Variants in NBEA observed in about 807,000 individuals in gnomAD.
NBEA encodes neurobeachin, also known as lysosomal-trafficking regulator 2.
A neutral mutation model predicts 343.4 loss-of-function variants in NBEA; 44 were observed. That is an observed-to-expected ratio of 0.13 (90% confidence interval 0.10 to 0.16). The LOEUF (loss-of-function observed/expected upper bound fraction) is 0.16, where lower values mean the gene tolerates loss of function less well. Ranked by LOEUF, NBEA falls within the 10% of genes least tolerant of loss-of-function variation. NBEA has a pLI of 1.00. For synonymous variants in NBEA, 1,175 were observed against 1,238.7 expected, an observed-to-expected ratio of 0.95 and a Z score of 1.08; for missense variants, 2,555 against 3,631.3, an observed-to-expected ratio of 0.70 and a Z score of 7.62.
rs545680862 is a variant in NBEA at position 35,251,994 on chromosome 13, C to A, written c.5776+19375C>A. Among the ~76,000 whole-genome samples the A allele has an allele frequency of 8.6e-5, 13 of 151,994 alleles. No homozygotes were observed. The East Asian group carries it at 1.5e-3, about 18-fold the overall frequency. ...TAAAATCACTCCAGATCTCTAAATA[C>A]TCTATCAAATGAAGCACTTTCATTT... On this transcript the variant is annotated intron_variant, in intron 34 of 58. Transcript: ENST00000379939.
At chr13:35,174,833 G>A (rs1405146057) in intron 27 of NBEA, among the ~76,000 whole-genome samples, 1 of 149,414 alleles carries the variant, frequency 6.7e-6, no homozygotes, top group Non-Finnish European at 1.5e-5. Flanking sequence ...TCACTCTGTT[G>A]CCAGGGTGGA....
Position 35,655,692 on chromosome 13 carries a change from C to T in NBEA, c.8305C>T (p.Leu2769=). Residue 2769 remains leucine, a synonymous_variant, in exon 55 of 59, where the codon CTG becomes TTG. Coordinates refer to ENST00000379939, the MANE Select transcript of NBEA (RefSeq NM_001385012.1). ...YIVSGSRDAT[L]LLWYWSGRHH... is the part of the protein sequence containing the mutation. ...CGTGTCCGGATCTCGAGATGCCACC[C>T]TGCTGCTCTGGTACTGGAGTGGGCG... 6.2e-7 allele frequency: 1 copy of T among 1,613,974 alleles called. No individual in the cohort carries two copies. The highest frequency in any genetic ancestry group is 8.5e-7 in the Non-Finnish European group (1 of 1,179,884).
At chr13:35,385,775 G>A (rs949855231) in intron 38 of NBEA, among the ~76,000 whole-genome samples, 4 of 152,122 alleles carry the variant, frequency 2.6e-5, no homozygotes, top group Non-Finnish European at 4.4e-5. Flanking sequence ...TGTGCCTAAT[G>A]CAATAAAATC....
At chr13:35,635,546 T>C (rs1192578134) in intron 49 of NBEA, among the ~76,000 whole-genome samples, 1 of 152,174 alleles carries the variant, frequency 6.6e-6, no homozygotes, top group African/African-American at 2.4e-5. Context: ...ACATTTTAAT[T>C]AGTGGAGTGA....
At chr13:35,283,636 T>C (rs1033357538) in intron 34 of NBEA, among the ~76,000 whole-genome samples, 1 of 152,184 alleles carries the variant, frequency 6.6e-6, no homozygotes, top group Non-Finnish European at 1.5e-5. Context: ...TAAGTGCATA[T>C]ATTTCATAGC....
At chr13:35,469,638 G>A (rs1166407417) in intron 40 of NBEA, among the ~76,000 whole-genome samples, 1 of 152,088 alleles carries the variant, frequency 6.6e-6, no homozygotes, top group Non-Finnish European at 1.5e-5. Flanking sequence ...GTGTGCCGAG[G>A]ACATTATAAT....
intron 36 of NBEA, among the ~76,000 whole-genome samples, chr13:35,327,912 A>T (rs954671897): frequency 1.4e-5 from 2 of 144,964 alleles, no homozygotes; most frequent in African/African-American, 2.5e-5. Context: ...CCTGATATAT[A>T]AAAAAAAAAC....
At chr13:35,621,994 A>T (rs75142729) in intron 48 of NBEA, among the ~76,000 whole-genome samples, 1 of 152,212 alleles carries the variant, frequency 6.6e-6, no homozygotes, top group Admixed American at 6.5e-5. Flanking sequence ...GTAAATTTGC[A>T]TGTGTTATCT....
At chr13:35,472,907 T>C (rs1189997692) in intron 41 of NBEA, among the ~76,000 whole-genome samples, 2 of 152,128 alleles carry the variant, frequency 1.3e-5, no homozygotes, top group African/African-American at 4.8e-5. Context: ...TTCAAAACTT[T>C]ATATTGTAAT....
intron 35 of NBEA, 35 bp downstream of exon 35, chr13:35,290,485 A>G (rs1274842077): frequency 2.7e-6 from 4 of 1,499,326 alleles, no homozygotes; most frequent in African/African-American, 1.4e-5. Flanking sequence ...ACATTAATAT[A>G]TGAGGGTTTT....
At position 35,309,713 on chromosome 13, in the gene NBEA, A is replaced by G. The variant is rs2152832717; in HGVS notation, c.5903+121A>G. On this transcript the variant is annotated intron_variant, in intron 36 of 58. Transcript: ENST00000379939. ...AAAATGTCTTTTAGTTAAATAATTT[A>G]TCACACAGGTACTTAATTAATCTTT... The G allele has an allele frequency of 3.5e-6, 2 of 575,710 alleles. 1 individual carries two copies. Among genetic ancestry groups the G allele is most frequent in the East Asian group, 6.5e-5 (2 of 30,888 alleles). The allele number at this position is 575,710 out of a possible 1,614,324, so 35.7% of individuals were successfully genotyped here.
At chr13:34,992,091 G>A (rs1172014153) in intron 1 of NBEA, among the ~76,000 whole-genome samples, 2 of 148,868 alleles carry the variant, frequency 1.3e-5, no homozygotes, top group Non-Finnish European at 3.0e-5. Flanking sequence ...TGATTTACAG[G>A]TATTTGGCTG....
chr13:35,491,901 C>A (rs899428480), intron 41 of NBEA, among the ~76,000 whole-genome samples: 2 of 151,964 alleles, frequency 1.3e-5, no homozygotes, highest in Non-Finnish European at 2.9e-5. Flanking sequence ...TAGTGGACAA[C>A]AGTTCAGCTA....
intron 11 of NBEA, among the ~76,000 whole-genome samples, chr13:35,108,555 T>A (rs2066032367): frequency 1.3e-5 from 2 of 152,076 alleles, no homozygotes; most frequent in Admixed American, 6.6e-5. Flanking sequence ...TAAGAAAATA[T>A]GATTTTTAAA....
chr13:35,083,243 T>C (rs1432801133), intron 10 of NBEA, among the ~76,000 whole-genome samples: 1 of 152,216 alleles, frequency 6.6e-6, no homozygotes, highest in Admixed American at 6.5e-5. Context: ...TGTGGCCTTA[T>C]TTCTGAGGAC....
intron 13 of NBEA, among the ~76,000 whole-genome samples, chr13:35,116,938 T>C (rs1364988068): frequency 6.6e-6 from 1 of 152,004 alleles, no homozygotes; most frequent in African/African-American, 2.4e-5. Flanking sequence ...ACAAGTGACA[T>C]AGAAGAAATA....
intron 8 of NBEA, among the ~76,000 whole-genome samples, chr13:35,060,852 G>T (rs1338346083): frequency 2.6e-5 from 4 of 151,562 alleles, no homozygotes; most frequent in Non-Finnish European, 5.9e-5. Flanking sequence ...GTGAGTGAAG[G>T]GGTAGAGGGC....
At chr13:35,473,028 T>C (rs890783593) in intron 41 of NBEA, among the ~76,000 whole-genome samples, 1 of 152,218 alleles carries the variant, frequency 6.6e-6, no homozygotes, top group Admixed American at 6.5e-5. Flanking sequence ...GGGTTTTATA[T>C]GTGGATTTAA....
intron 55 of NBEA, among the ~76,000 whole-genome samples, chr13:35,661,468 A>G (rs755108570): frequency 2.2e-4 from 33 of 152,200 alleles, no homozygotes; most frequent in East Asian, 3.9e-4. Context: ...TGAATACTCT[A>G]TGAGTACATA....
Sources: gnomAD v4.1 joint callset for allele counts (sites outside exome capture counted in the v4.1 genomes callset) on GRCh38, gnomAD v4.1.1 for gene constraint, MANE v1.5 for transcripts, NCBI Gene and HGNC (gene_info 2026-07-23, HGNC 2026-07-21) for gene names.